The following UST variants were observed in gnomAD, a reference collection of about 807,000 sequenced individuals.
UST encodes uronyl 2-sulfotransferase, also known as chondroitin sulfate 2-O-sulfotransferase.
A neutral mutation model predicts 45.6 loss-of-function variants in UST; 21 were observed. The observed-to-expected ratio is 0.46, with a 90% CI of 0.33 to 0.66. The LOEUF (loss-of-function observed/expected upper bound fraction) is 0.66. Among genes scored for constraint, UST ranks in the 30% least tolerant of loss-of-function variants. The pLI is 0.02. For missense variants in UST, 463 were observed against 512.4 expected, an observed-to-expected ratio of 0.90 and a Z score of 0.93; for synonymous variants, 215 against 200.6, an observed-to-expected ratio of 1.07 and a Z score of -0.61.
At position 148,844,912 on chromosome 6, in the gene UST, A is replaced by G. The variant is rs564192277; in HGVS notation, c.248-42074A>G. Among the ~76,000 whole-genome samples the G allele has an allele frequency of 1.1e-4, 16 of 151,512 alleles. No homozygotes were observed. In the South Asian group the frequency reaches 3.1e-3, roughly 30 times the overall value. On this transcript the variant is annotated intron_variant, in intron 1 of 7. Transcript: ENST00000367463. ...TGGTTTTCTGTTCCTGTGCTAATTC[A>G]CTTGGCATTATGGTCTCCAGCTTTG...
intron 7 of UST, among the ~76,000 whole-genome samples, chr6:149,043,494 G>A (rs1236260486): frequency 2.0e-5 from 3 of 152,356 alleles, no homozygotes; most frequent in Non-Finnish European, 4.4e-5. Context: ...ACAGGCATCC[G>A]CATCCCCTAG....
chr6:148,765,446 AG>A (rs1409982177), intron 1 of UST, among the ~76,000 whole-genome samples: 1 of 152,174 alleles, frequency 6.6e-6, no homozygotes, highest in Non-Finnish European at 1.5e-5. Context: ...TTGACTATTC[AG>A]GGTCTTTTTG....
intron 1 of UST, among the ~76,000 whole-genome samples, chr6:148,826,260 G>A (rs1777565960): frequency 6.6e-6 from 1 of 152,138 alleles, no homozygotes; most frequent in Non-Finnish European, 1.5e-5. Flanking sequence ...CTACAGGCAT[G>A]TGCCACCATG....
At chr6:148,814,747 T>G (rs1777324661) in intron 1 of UST, among the ~76,000 whole-genome samples, 1 of 152,208 alleles carries the variant, frequency 6.6e-6, no homozygotes, top group African/African-American at 2.4e-5. Flanking sequence ...AAGGAAACTT[T>G]CCAGGATACA....
In UST at chr6:148,777,971, C is replaced by T. The variant is rs112955091; in HGVS notation, c.247+30294C>T. On this transcript the variant is annotated intron_variant, in intron 1 of 7. Transcript: ENST00000367463. ...AGGAGCAATAGGCTATACCATCTAG[C>T]CTAGGTGTAGAGTAGGCTGTACCAT... 7.2e-3 allele frequency among the ~76,000 whole-genome samples: 1,091 copies of T among 152,288 alleles called. 13 individuals are homozygous for T. The highest frequency in any genetic ancestry group is 0.023 in the African/African-American group (965 of 41,554).
At chr6:148,921,358 C>T (rs753583094) in intron 2 of UST, among the ~76,000 whole-genome samples, 2 of 152,210 alleles carry the variant, frequency 1.3e-5, no homozygotes, top group Non-Finnish European at 2.9e-5. Flanking sequence ...GAGAATCGCC[C>T]AGAGATGGAG....
At chr6:148,925,611 C>T (rs1779799117) in intron 2 of UST, among the ~76,000 whole-genome samples, 1 of 152,176 alleles carries the variant, frequency 6.6e-6, no homozygotes. Context: ...CTAAATATTA[C>T]TCCTCTTGAA....
Position 148,991,485 on chromosome 6 carries a change from T to C in UST, c.681+26922T>C, listed in dbSNP as rs192690087. On this transcript the variant is annotated intron_variant, in intron 5 of 7. Transcript: ENST00000367463. The stretch of plus-strand genomic sequence containing the variant: ...GTTAACTCATCATTTACATTAGGTA[T>C]ATCTCCTAATGCTATCCCTCCCCCC... Among the ~76,000 whole-genome samples the C allele has an allele frequency of 6.9e-3, 1,044 of 151,082 alleles. 12 individuals are homozygous for C. The highest frequency in any genetic ancestry group is 0.023 in the African/African-American group (965 of 41,186).
In UST at chr6:148,945,667, T is replaced by G. The variant is rs533812070; in HGVS notation, c.447+4233T>G. ...TCCCGAATGAATCAATTCACGATGA[T>G]TATTCGCATTTTGAAGACTTCGAAA... On this transcript the variant is annotated intron_variant, in intron 3 of 7. Transcript: ENST00000367463. Among the ~76,000 whole-genome samples the G allele has an allele frequency of 7.2e-5, 11 of 152,356 alleles. No individual in the cohort carries two copies. In the South Asian group the frequency reaches 2.3e-3, roughly 32 times the overall value.
At chr6:148,908,769 C>A (rs1225271574) in intron 2 of UST, among the ~76,000 whole-genome samples, 1 of 152,050 alleles carries the variant, frequency 6.6e-6, no homozygotes, top group Non-Finnish European at 1.5e-5. Context: ...TCTGTTTTCC[C>A]TTATTTTAGT....
At chr6:148,763,346 A>G (rs1274409926) in intron 1 of UST, among the ~76,000 whole-genome samples, 2 of 151,918 alleles carry the variant, frequency 1.3e-5, no homozygotes, top group Non-Finnish European at 2.9e-5. Context: ...CCCACTTTTT[A>G]ATAGGGTTAT....
chr6:149,019,825 GATCTGCCCAGGTCCTGC>G (rs1775953592), intron 6 of UST, among the ~76,000 whole-genome samples: 1 of 152,196 alleles, frequency 6.6e-6, no homozygotes, highest in Non-Finnish European at 1.5e-5. Context: ...CCCAGGGTGT[GATCTGCCCAGGTCCTGC>G]ATCAGCACCC....
chr6:149,063,325 C>T (rs1776682890), intron 7 of UST, among the ~76,000 whole-genome samples: 1 of 152,098 alleles, frequency 6.6e-6, no homozygotes, highest in Non-Finnish European at 1.5e-5. Flanking sequence ...AGGAAATTTT[C>T]AATAGTTATC....
At chr6:148,853,467 G>A (rs962919982) in intron 1 of UST, among the ~76,000 whole-genome samples, 3 of 152,240 alleles carry the variant, frequency 2.0e-5, no homozygotes, top group Admixed American at 1.3e-4. Flanking sequence ...ATTCCTTTGG[G>A]TGTATACCCA....
In UST at chr6:148,908,868, A is replaced by G. The variant is rs1779420416; in HGVS notation, c.291+21839A>G. On this transcript the variant is annotated intron_variant, in intron 2 of 7. Transcript: ENST00000367463. ...AGGCTGTTGATGATAAACCTGAATC[A>G]TCCATTTATTGGAGGTCTGAGAACT... 1.3e-5 allele frequency among the ~76,000 whole-genome samples: 2 copies of G among 152,212 alleles called. 1 individual carries two copies. Among genetic ancestry groups the G allele is most frequent in the Admixed American group, 1.3e-4 (2 of 15,272 alleles).
At chr6:148,819,343 A>T (rs1190488007) in intron 1 of UST, among the ~76,000 whole-genome samples, 1 of 152,192 alleles carries the variant, frequency 6.6e-6, no homozygotes, top group Non-Finnish European at 1.5e-5. Context: ...AGTAGGACAA[A>T]ATACGATTTG....
intron 1 of UST, among the ~76,000 whole-genome samples, chr6:148,752,333 A>G (rs1261787051): frequency 2.0e-5 from 3 of 152,226 alleles, no homozygotes; most frequent in Admixed American, 6.5e-5. Flanking sequence ...TTAGGCTCCA[A>G]ACAGTAATCT....
At chr6:148,966,061 T>C (rs1380722031) in intron 5 of UST, among the ~76,000 whole-genome samples, 1 of 151,712 alleles carries the variant, frequency 6.6e-6, no homozygotes, top group Admixed American at 6.6e-5. Context: ...CTGTCTTTAT[T>C]AAAAATACAA....
At position 149,041,874 on chromosome 6, in the gene UST, C is replaced by T. The variant is rs118136143; in HGVS notation, c.937+20393C>T. 3.5e-3 allele frequency among the ~76,000 whole-genome samples: 529 copies of T among 152,212 alleles called. 25 individuals carry two copies. The East Asian group carries it at 0.096, about 28-fold the overall frequency. On this transcript the variant is annotated intron_variant, in intron 7 of 7. Transcript: ENST00000367463. The stretch of plus-strand genomic sequence containing the variant: ...TCCTGTGGCCCACTCCCCGAGGACC[C>T]TAATAGATCATTCTAGAACAAAGAT...
Sources: gnomAD v4.1 joint callset for allele counts (sites outside exome capture counted in the v4.1 genomes callset) on GRCh38, gnomAD v4.1.1 for gene constraint, MANE v1.5 for transcripts, NCBI Gene and HGNC (gene_info 2026-07-23, HGNC 2026-07-21) for gene names.